THAP2: variants seen among roughly 807,000 people sequenced by gnomAD.
THAP2 encodes the protein THAP domain-containing protein 2.
In THAP2, 16 loss-of-function variants were observed where a neutral mutation model predicts 18.8. The ratio of observed to expected loss-of-function variants is 0.85; its 90% CI spans 0.58 to 1.29. THAP2 has a LOEUF of 1.29. Among genes scored for constraint, THAP2 ranks in the 50% most tolerant of loss-of-function variants. THAP2 has a pLI of 0.00. For missense variants in THAP2, 251 were observed against 265.3 expected (o/e 0.95, Z 0.38); for synonymous variants, 80 against 89.2 (o/e 0.90, Z 0.58).
chr12:71,664,453 C>T lies in THAP2; in HGVS notation c.-57C>T, dbSNP rs1881287691. On this transcript the variant is annotated 5_prime_UTR_variant, in exon 1 of 3. Coordinates refer to ENST00000308086, the MANE Select transcript of THAP2 (RefSeq NM_031435.4). Reference sequence around the variant, plus strand: ...TTGTCCAGCCTCTGCCAGAAGAAAGCTTAGCAGCCAGCGCCTCAGTAGAGA... The same window carrying T: ...TTGTCCAGCCTCTGCCAGAAGAAAGTTTAGCAGCCAGCGCCTCAGTAGAGA... 1 of 1,598,966 alleles carries T rather than the reference C, an allele frequency of 6.3e-7. No homozygotes were observed. Among genetic ancestry groups the T allele is most frequent in the Non-Finnish European group, 8.6e-7 (1 of 1,166,776 alleles).
chr12:71,670,211 C>T (rs1053370520), intron 1 of THAP2, among the ~76,000 whole-genome samples: 6 of 152,096 alleles, frequency 3.9e-5, no homozygotes, highest in Non-Finnish European at 8.8e-5. Flanking sequence ...GCATTTGGGT[C>T]TTCTGAACCA....
chr12:71,667,750 G>T (rs1033234969), intron 1 of THAP2: 1 of 152,136 alleles, frequency 6.6e-6, no homozygotes, highest in Non-Finnish European at 1.5e-5. Flanking sequence ...GCCCTGATTT[G>T]TAGTGTTTCC....
chr12:71,676,027 C>T (rs557436134), intron 2 of THAP2, among the ~76,000 whole-genome samples: 24 of 151,802 alleles, frequency 1.6e-4, no homozygotes, highest in African/African-American at 5.1e-4. Context: ...AAAAGAATGA[C>T]GGAGAGGAGA....
intron 1 of THAP2, among the ~76,000 whole-genome samples, chr12:71,666,613 C>T (rs1305938719): frequency 2.6e-5 from 4 of 152,086 alleles, no homozygotes; most frequent in Non-Finnish European, 5.9e-5. Flanking sequence ...CATGTGTAAC[C>T]TCAGAAATTT....
At chr12:71,671,426 T>C (rs909648262) in intron 1 of THAP2, among the ~76,000 whole-genome samples, 13 of 152,220 alleles carry the variant, frequency 8.5e-5, no homozygotes, top group African/African-American at 3.1e-4. Context: ...TTCTGTTAAT[T>C]CCTCTGGTGT....
Position 71,677,640 on chromosome 12 carries a change from G to C in THAP2, c.*532G>C, listed in dbSNP as rs2137583622. On this transcript the variant is annotated 3_prime_UTR_variant, in exon 3 of 3. Coordinates refer to ENST00000308086, the MANE Select transcript of THAP2 (RefSeq NM_031435.4). ...TATATTTTGTTTTACCAGTAAAAGTGAGCTTATCATGGCCTCTCTCATAAG... is the reference window on the plus strand; with the variant it reads ...TATATTTTGTTTTACCAGTAAAAGTCAGCTTATCATGGCCTCTCTCATAAG... 6.6e-6 allele frequency: 1 copy of C among 151,952 alleles called. No homozygotes were observed. The highest frequency in any genetic ancestry group is 2.4e-5 in the African/African-American group (1 of 41,316). 9.4% of individuals were successfully genotyped at this position (151,952 alleles called of 1,614,324 possible). A position where few individuals can be genotyped will look rare whatever the true frequency, so the allele number is the denominator to read the frequency against.
chr12:71,674,498 C>T lies in THAP2; in HGVS notation c.267+100C>T, dbSNP rs1026076589. ...GAAATTCATTTATAGTGATATGCCT[C>T]AAAAAAGTTGCAGACCTTCCTCTTG... is the stretch of plus-strand genomic sequence containing the variant. On this transcript the variant is annotated intron_variant, in intron 2 of 2. Coordinates refer to ENST00000308086, the MANE Select transcript of THAP2 (RefSeq NM_031435.4). 9 of 1,210,536 alleles carry T rather than the reference C, an allele frequency of 7.4e-6. No homozygotes were observed. In the African/African-American group the frequency reaches 1.1e-4, roughly 14 times the overall value. 75.0% of individuals were successfully genotyped at this position (1,210,536 alleles called of 1,614,324 possible).
intron 1 of THAP2, 25 bp from the exon 2 acceptor site, chr12:71,674,178 T>C: frequency 6.5e-7 from 1 of 1,529,686 alleles, no homozygotes; most frequent in East Asian, 2.3e-5. Flanking sequence ...AGTTGGAATT[T>C]GAGTTGCATT....
intron 1 of THAP2, chr12:71,665,254 T>C: frequency 3.2e-6 from 1 of 315,798 alleles, no homozygotes; most frequent in Non-Finnish European, 5.9e-6. Context: ...ATGTTTACCT[T>C]CTCTGCAAGT....
At chr12:71,670,497 T>G (rs1196746536) in intron 1 of THAP2, among the ~76,000 whole-genome samples, 2 of 152,132 alleles carry the variant, frequency 1.3e-5, no homozygotes, top group Admixed American at 1.3e-4. Flanking sequence ...CACCACACAG[T>G]TGAAAATCGG....
In THAP2 at chr12:71,677,605, TAAA is replaced by T. The variant is rs572329013; in HGVS notation, c.*499_*501del. ...AAAGGTACAGGGCAAGTTTTTAAAT[TAAA>T]ACTTTCTATATTTTGTTTTACCAGT... On this transcript the variant is annotated 3_prime_UTR_variant, in exon 3 of 3. Coordinates refer to ENST00000308086, the MANE Select transcript of THAP2 (RefSeq NM_031435.4). 1.3e-5 allele frequency: 2 copies of T among 152,198 alleles called. No individual in the cohort carries two copies. Among genetic ancestry groups the T allele is most frequent in the South Asian group, 2.1e-4 (1 of 4,836 alleles). 9.4% of individuals were successfully genotyped at this position (152,198 alleles called of 1,614,324 possible).
At chr12:71,676,174 C>G (rs1345007010) in intron 2 of THAP2, among the ~76,000 whole-genome samples, 1 of 151,968 alleles carries the variant, frequency 6.6e-6, no homozygotes, top group African/African-American at 2.4e-5. Context: ...GAAGATATAA[C>G]CATCAAAAAT....
chr12:71,666,449 G>T (rs959967687), intron 1 of THAP2, among the ~76,000 whole-genome samples: 1 of 151,996 alleles, frequency 6.6e-6, no homozygotes, highest in Admixed American at 6.5e-5. Flanking sequence ...GGAAGTTAAG[G>T]CTGCACTGAG....
Position 71,676,834 on chromosome 12 carries a change from T to A in THAP2, c.413T>A (p.Ile138Asn), listed in dbSNP as rs569320708. ...FRNPMEAKKR[I>N]IKLEKEIASL... is the part of the protein sequence containing the mutation. ...AATCCTATGGAGGCAAAAAAGAGGATCATTAAACTGGAAAAAGAAATAGCA... is the reference window on the plus strand; with the variant it reads ...AATCCTATGGAGGCAAAAAAGAGGAACATTAAACTGGAAAAAGAAATAGCA... The change falls in exon 3 of 3, where the codon ATC (isoleucine) becomes AAC (asparagine). Residue 138 changes from isoleucine (I) to asparagine (N), a missense_variant. Physicochemically the swap from Ile to Asn is moderately radical, Grantham distance 149. Coordinates refer to ENST00000308086, the MANE Select transcript of THAP2 (RefSeq NM_031435.4). The A allele has an allele frequency of 6.2e-6, 10 of 1,613,534 alleles. No individual in the cohort carries two copies. The East Asian group carries it at 2.0e-4, about 32-fold the overall frequency.
At position 71,672,219 on chromosome 12, in the gene THAP2, A is replaced by C. The variant is rs527929329; in HGVS notation, c.72-1984A>C. ...TTTTGCCTGCATCAGAAACCTGTTC[A>C]GACAGCCTTTCTCTTGAATGATCTT... On this transcript the variant is annotated intron_variant, in intron 1 of 2. Transcript: ENST00000308086. Among the ~76,000 whole-genome samples the C allele has an allele frequency of 4.6e-5, 7 of 152,312 alleles. 1 individual carries two copies. The highest frequency in any genetic ancestry group is 1.7e-4 in the African/African-American group (7 of 41,572).
Position 71,677,211 on chromosome 12 carries a change from G to A in THAP2, c.*103G>A. 1 of 1,083,768 alleles carries A rather than the reference G, an allele frequency of 9.2e-7. No homozygotes were observed. The highest frequency in any genetic ancestry group is 1.2e-6 in the Non-Finnish European group (1 of 813,534). The allele number at this position is 1,083,768 out of a possible 1,614,324, so 67.1% of individuals were successfully genotyped here. On this transcript the variant is annotated 3_prime_UTR_variant, in exon 3 of 3. Transcript: ENST00000308086. ...TTCATTATTTAATAAAGTTTTACTT[G>A]AAGTAACATTACTGAATTTGTGAAG...
chr12:71,667,258 T>C (rs1037497624), intron 1 of THAP2, among the ~76,000 whole-genome samples: 1 of 152,210 alleles, frequency 6.6e-6, no homozygotes, highest in East Asian at 1.9e-4. Flanking sequence ...ATCTTCTGAC[T>C]TTTTTGGCCT....
In THAP2 at chr12:71,677,153, GAAGTA is replaced by G. The variant is rs1881535090; in HGVS notation, c.*49_*53del. 7.0e-7 allele frequency: 1 copy of G among 1,435,276 alleles called. No individual in the cohort carries two copies. The highest frequency in any genetic ancestry group is 9.2e-7 in the Non-Finnish European group (1 of 1,089,592). 88.9% of individuals were successfully genotyped at this position (1,435,276 alleles called of 1,614,324 possible). A position where few individuals can be genotyped will look rare whatever the true frequency, so the allele number is the denominator to read the frequency against. On this transcript the variant is annotated 3_prime_UTR_variant, in exon 3 of 3. Coordinates refer to ENST00000308086, the MANE Select transcript of THAP2 (RefSeq NM_031435.4). ...TGATGCCTATCCTTCATTCTTTTCAGAAGTAAAGATAATTATGGCACTTATGCCAA... is the reference window on the plus strand; with the variant it reads ...TGATGCCTATCCTTCATTCTTTTCAGAAGATAATTATGGCACTTATGCCAA...
At position 71,678,244 on chromosome 12, in the gene THAP2, G is replaced by A. The variant is rs1026740691; in HGVS notation, c.*1136G>A. 1.3e-5 allele frequency: 2 copies of A among 152,486 alleles called. No individual in the cohort carries two copies. Among genetic ancestry groups the A allele is most frequent in the African/African-American group, 4.8e-5 (2 of 41,408 alleles). The allele number at this position is 152,486 out of a possible 1,614,324, so 9.4% of individuals were successfully genotyped here. ...TAGGAGGTTGAGGCTATAGTGAGCTGTGATTGCACGACTGCACTCCAGCCT... is the reference window on the plus strand; with the variant it reads ...TAGGAGGTTGAGGCTATAGTGAGCTATGATTGCACGACTGCACTCCAGCCT... On this transcript the variant is annotated 3_prime_UTR_variant, in exon 3 of 3. Coordinates refer to ENST00000308086, the MANE Select transcript of THAP2 (RefSeq NM_031435.4).
Sources: gnomAD v4.1 joint callset for allele counts (sites outside exome capture counted in the v4.1 genomes callset) on GRCh38, gnomAD v4.1.1 for gene constraint, MANE v1.5 for transcripts, NCBI Gene and HGNC (gene_info 2026-07-23, HGNC 2026-07-21) for gene names.